Variants in PCNX3 observed in about 807,000 individuals in gnomAD.
The protein encoded by PCNX3 is pecanex 3, also known as pecanex-like protein 3.
Under a neutral mutation model 207.2 loss-of-function variants are expected in PCNX3, and 58 were observed. The ratio of observed to expected loss-of-function variants is 0.28; its 90% CI spans 0.23 to 0.35. The LOEUF is 0.35. Ranked by LOEUF, PCNX3 falls within the 10% of genes least tolerant of loss-of-function variation. The pLI is 1.00. For missense variants in PCNX3, 2,410 were observed against 2,774.4 expected, an observed-to-expected ratio of 0.87 and a Z score of 2.95; for synonymous variants, 1,337 against 1,183.5, an observed-to-expected ratio of 1.13 and a Z score of -2.66.
rs773498138 is a variant in PCNX3 at position 65,636,302 on chromosome 11, C to T, written c.5588C>T (p.Thr1863Met). ...PPVAHPTPEN[T>M]AGNGDQPLPP... ...GTGGCACACCCCACACCTGAGAACA[C>T]GGCAGGTGAGCAGGCGAGGCTGGGC... The change falls in exon 33 of 35, where the codon ACG (threonine) becomes ATG (methionine). Residue 1863 changes from threonine to methionine, a missense_variant. Thr to Met is a moderately conservative substitution (Grantham distance 81). Transcript: ENST00000355703. 5.3e-5 allele frequency: 85 copies of T among 1,610,614 alleles called. 1 individual carries two copies. The South Asian group carries it at 6.0e-4, about 11-fold the overall frequency.
chr11:65,619,442 C>A, intron 6 of PCNX3, 95 bp from the exon 7 acceptor site: 1 of 1,524,952 alleles, frequency 6.6e-7, no homozygotes, highest in Non-Finnish European at 8.8e-7. Context: ...TTGTACTAGG[C>A]CTTTAGCTCC....
chr11:65,617,705 G>A lies in PCNX3; in HGVS notation c.576G>A (p.Leu192=). The change falls in exon 5 of 35, where the codon CTG becomes CTA. Residue 192 remains leucine (L), a splice_region_variant and synonymous_variant. Transcript: ENST00000355703. ...TGAAGCTCAGCTCGCAGGAGAAACT[G>A]AGTGCGTGGGCCTTATGGGGCCGAG... ...EMLKLSSQEK[L]IGDLPQTPPG... 3 of 1,560,830 alleles carry A rather than the reference G, an allele frequency of 1.9e-6. No individual in the cohort carries two copies. Among genetic ancestry groups the A allele is most frequent in the South Asian group, 1.2e-5 (1 of 85,146 alleles).
chr11:65,629,273 C>T (rs1855523931), intron 24 of PCNX3, 84 bp from the exon 25 acceptor site: 2 of 1,424,352 alleles, frequency 1.4e-6, no homozygotes, highest in Non-Finnish European at 1.9e-6. Flanking sequence ...TGGCGTTGAC[C>T]TTGTGGCACA....
intron 5 of PCNX3, 35 bp from the exon 6 acceptor site, chr11:65,617,905 C>G (rs771652603): frequency 4.5e-6 from 7 of 1,543,504 alleles, no homozygotes; most frequent in East Asian, 2.3e-5. Flanking sequence ...GCAGAAAACC[C>G]TTTTTTCATT....
chr11:65,631,339 T>C (rs1449100753), intron 27 of PCNX3, among the ~76,000 whole-genome samples: 1 of 152,158 alleles, frequency 6.6e-6, no homozygotes, highest in Non-Finnish European at 1.5e-5. Context: ...GTGGGGGTTA[T>C]TGCAGTTCTC....
At chr11:65,621,741 A>C (rs1855114999) in intron 10 of PCNX3, among the ~76,000 whole-genome samples, 1 of 152,238 alleles carries the variant, frequency 6.6e-6, no homozygotes, top group African/African-American at 2.4e-5. Flanking sequence ...TGTTGAGTGA[A>C]GGATACAACA....
chr11:65,622,965 A>G (rs1469717436), intron 11 of PCNX3, among the ~76,000 whole-genome samples: 1 of 151,440 alleles, frequency 6.6e-6, no homozygotes, highest in African/African-American at 2.4e-5. Flanking sequence ...TAACCTAGAA[A>G]AGCTCACAGA....
chr11:65,619,733 C>T lies in PCNX3; in HGVS notation c.1830-21C>T. ...GCCCGCAAGCTCTAGCTGGCGCTGA[C>T]CTGGGGCTGACCCTCTCCAGCAGCC... On this transcript the variant is annotated intron_variant, in intron 7 of 34. Transcript: ENST00000355703. The T allele has an allele frequency of 9.0e-6, 14 of 1,562,134 alleles. 1 individual carries two copies. Among genetic ancestry groups the T allele is most frequent in the Non-Finnish European group, 1.2e-5 (14 of 1,160,876 alleles).
At chr11:65,617,845 C>T (rs767854210) in intron 5 of PCNX3, 95 bp from the exon 6 acceptor site, 2 of 1,470,728 alleles carry the variant, frequency 1.4e-6, no homozygotes, top group Non-Finnish European at 1.8e-6. Flanking sequence ...TGGCTGGGCT[C>T]TCAGGGAAAG....
chr11:65,625,306 T>C lies in PCNX3; in HGVS notation c.3029+26T>C, dbSNP rs1481032757. ...GTGGGTGTGCTCCGGGTCGTGTGTTTGTGTCTGCCCAGTAGGGGTTTGTGG... is the reference window on the plus strand; with the variant it reads ...GTGGGTGTGCTCCGGGTCGTGTGTTCGTGTCTGCCCAGTAGGGGTTTGTGG... On this transcript the variant is annotated intron_variant, in intron 17 of 34. Transcript: ENST00000355703. The surrounding 1 kb of genome is among the most constrained non-coding windows in gnomAD (Gnocchi z 5.6). 3.1e-6 allele frequency: 5 copies of C among 1,596,856 alleles called. No individual in the cohort carries two copies. The highest frequency in any genetic ancestry group is 1.1e-5 in the South Asian group (1 of 90,674).
chr11:65,629,718 G>A lies in PCNX3; in HGVS notation c.4199G>A (p.Arg1400His). Reference sequence around the variant, plus strand: ...AATGGCCTCGTCACCTTCCAGCTGCGTGGCCTTGAGTTCCGGGGTGAGCCG... The same window carrying A: ...AATGGCCTCGTCACCTTCCAGCTGCATGGCCTTGAGTTCCGGGGTGAGCCG... ...VGNGLVTFQL[R>H]GLEFRGTYCQ... Residue 1400 changes from arginine to histidine, a missense_variant, in exon 26 of 35, where the codon CGT becomes CAT. Physicochemically the swap from Arg to His is conservative, Grantham distance 29. Coordinates refer to ENST00000355703, the MANE Select transcript of PCNX3 (RefSeq NM_032223.4). 1.3e-6 allele frequency: 2 copies of A among 1,551,096 alleles called. No individual in the cohort carries two copies. Among genetic ancestry groups the A allele is most frequent in the East Asian group, 2.4e-5 (1 of 41,010 alleles).
At position 65,628,696 on chromosome 11, in the gene PCNX3, C is replaced by T. The variant is rs369577987; in HGVS notation, c.3804C>T (p.Ala1268=). ...TCCACGCTTTTGCCCAGCCGTTTGC[C>T]GTGCCACGTATCCAGCCTGTGTTTG... The part of the protein sequence containing the change: ...SAFHAFAQPF[A]VPHSAMLFVQ... The change falls in exon 23 of 35, where the codon GCC becomes GCT. Residue 1268 remains alanine, a synonymous_variant. Coordinates refer to ENST00000355703, the MANE Select transcript of PCNX3 (RefSeq NM_032223.4). 268 of 1,561,028 alleles carry T rather than the reference C, an allele frequency of 1.7e-4. No individual in the cohort carries two copies. Among genetic ancestry groups the T allele is most frequent in the South Asian group, 1.3e-3 (113 of 90,126 alleles).
chr11:65,622,125 C>T (rs1236670148), intron 10 of PCNX3, 120 bp from the exon 11 acceptor site: 2 of 1,450,698 alleles, frequency 1.4e-6, no homozygotes, highest in African/African-American at 2.8e-5. Flanking sequence ...AATGGTCAAC[C>T]AGACCGGTGT....
intron 29 of PCNX3, 74 bp from the exon 30 acceptor site, chr11:65,634,899 T>G (rs953253543): frequency 4.6e-6 from 7 of 1,530,144 alleles, no homozygotes; most frequent in Non-Finnish European, 6.2e-6. Flanking sequence ...AGGCCTCTGC[T>G]TGGATCACTC....
At position 65,625,075 on chromosome 11, in the gene PCNX3, G is replaced by A; in HGVS notation, c.2919+59G>A. On this transcript the variant is annotated intron_variant, in intron 16 of 34. Coordinates refer to ENST00000355703, the MANE Select transcript of PCNX3 (RefSeq NM_032223.4). The surrounding 1 kb of genome is among the most constrained non-coding windows in gnomAD (Gnocchi z 5.6). Reference sequence around the variant, plus strand: ...AGTGCGTAAGGGTGGTTGGGGCGGGGCTGTGAACTGGGCTCAGCAGTGGCT... The same window carrying A: ...AGTGCGTAAGGGTGGTTGGGGCGGGACTGTGAACTGGGCTCAGCAGTGGCT... The A allele has an allele frequency of 6.4e-7, 1 of 1,570,492 alleles. No individual in the cohort carries two copies. The highest frequency in any genetic ancestry group is 8.7e-7 in the Non-Finnish European group (1 of 1,151,738).
At chr11:65,621,358 A>G (rs1333909564) in intron 10 of PCNX3, among the ~76,000 whole-genome samples, 1 of 152,174 alleles carries the variant, frequency 6.6e-6, no homozygotes, top group Admixed American at 6.5e-5. Context: ...GCTCTCTGTT[A>G]ACACTTCCTG....
Position 65,618,810 on chromosome 11 carries a change from A to G in PCNX3, c.1448A>G (p.Lys483Arg). Residue 483 changes from lysine (K) to arginine (R), a missense_variant, in exon 6 of 35, where the codon AAG becomes AGG. Coordinates refer to ENST00000355703, the MANE Select transcript of PCNX3 (RefSeq NM_032223.4). ...GAGGAGGGAACTGCTGTGCCCCCCA[A>G]GCGGCCATATGGGACCCAGCGGACG... The part of the protein sequence containing the change: ...GAEEGTAVPP[K>R]RPYGTQRTPS... The G allele has an allele frequency of 6.2e-7, 1 of 1,611,570 alleles. No individual in the cohort carries two copies. The highest frequency in any genetic ancestry group is 1.1e-5 in the South Asian group (1 of 90,974).
rs1855332765 is a variant in PCNX3, at chr11:65,625,401, C to T, written c.3030-4C>T. On this transcript the variant is annotated splice_region_variant and splice_polypyrimidine_tract_variant and intron_variant, in intron 17 of 34. Coordinates refer to ENST00000355703, the MANE Select transcript of PCNX3 (RefSeq NM_032223.4). The surrounding 1 kb of genome is among the most constrained non-coding windows in gnomAD (Gnocchi z 5.6). ...GCCTCCTCCTGACTCTTCCTCACCCCCAGGTCTCTGATCCGGAGCAAGCTG... is the reference window on the plus strand; with the variant it reads ...GCCTCCTCCTGACTCTTCCTCACCCTCAGGTCTCTGATCCGGAGCAAGCTG... The T allele has an allele frequency of 6.2e-7, 1 of 1,602,798 alleles. No individual in the cohort carries two copies. Among genetic ancestry groups the T allele is most frequent in the Non-Finnish European group, 8.5e-7 (1 of 1,178,058 alleles).
At position 65,636,193 on chromosome 11, in the gene PCNX3, G is replaced by T; in HGVS notation, c.5479G>T (p.Ala1827Ser). 6.2e-7 allele frequency: 1 copy of T among 1,602,568 alleles called. No homozygotes were observed. Among genetic ancestry groups the T allele is most frequent in the Admixed American group, 1.7e-5 (1 of 58,274 alleles). The change falls in exon 33 of 35, where the codon GCC (alanine) becomes TCC (serine). Residue 1827 changes from alanine to serine, a missense_variant. Ala to Ser is a moderately conservative substitution (Grantham distance 99). Transcript: ENST00000355703. Reference sequence around the variant, plus strand: ...CCCCAGGCTTCACAAGGGCTGTGGCGCCGGCTGCAATAGTGGCGGGAACGT... The same window carrying T: ...CCCCAGGCTTCACAAGGGCTGTGGCTCCGGCTGCAATAGTGGCGGGAACGT... ...TWERLHKGCG[A>S]GCNSGGNVDD... is the part of the protein sequence containing the mutation.
Sources: allele counts gnomAD v4.1 joint callset (sites outside exome capture counted in the v4.1 genomes callset), GRCh38; gene constraint gnomAD v4.1.1; non-coding constraint Gnocchi (gnomAD v3.1); transcripts MANE v1.5; gene names NCBI Gene and HGNC (gene_info 2026-07-23, HGNC 2026-07-21).